Variants in CHMP7 observed in about 807,000 individuals in gnomAD.
CHMP7 encodes the protein CHMP family, member 7.
Under a neutral mutation model 53.7 loss-of-function variants are expected in CHMP7, and 15 were observed. The ratio of observed to expected loss-of-function variants is 0.28; its 90% CI spans 0.19 to 0.43. CHMP7 has a LOEUF of 0.43. Ranked by LOEUF, CHMP7 falls within the 20% of genes least tolerant of loss-of-function variation. CHMP7 has a pLI of 1.00. For synonymous variants in CHMP7, 261 were observed against 228.0 expected, an observed-to-expected ratio of 1.14 and a Z score of -1.30; for missense variants, 527 against 569.4, an observed-to-expected ratio of 0.93 and a Z score of 0.76.
chr8:23,245,333 T>C (rs1350122652), intron 1 of CHMP7, among the ~76,000 whole-genome samples: 1 of 152,234 alleles, frequency 6.6e-6, no homozygotes, highest in African/African-American at 2.4e-5. Context: ...AGACTTTTTA[T>C]CATGAGCTGG....
chr8:23,248,021 A>G (rs1339645645), intron 2 of CHMP7: 1 of 455,394 alleles, frequency 2.2e-6, no homozygotes, highest in Non-Finnish European at 4.4e-6. Flanking sequence ...GATATTGCCC[A>G]GGATGGTCTC....
At chr8:23,259,730 T>G (rs976766854) in intron 9 of CHMP7, among the ~76,000 whole-genome samples, 42 of 152,292 alleles carry the variant, frequency 2.8e-4, no homozygotes, top group African/African-American at 9.6e-4. Flanking sequence ...GACAGTAGAT[T>G]TGCTTTTCCG....
intron 3 of CHMP7, among the ~76,000 whole-genome samples, chr8:23,253,778 GT>G (rs1282357027): frequency 6.6e-6 from 1 of 151,872 alleles, no homozygotes; most frequent in East Asian, 1.9e-4. Context: ...TCTGAATTTT[GT>G]TTGTCTCCAC....
At chr8:23,249,469 C>T (rs1801836625) in intron 3 of CHMP7, 88 bp downstream of exon 3, 6 of 1,092,650 alleles carry the variant, frequency 5.5e-6, no homozygotes, top group East Asian at 2.7e-5. Flanking sequence ...GAAAAAAGAC[C>T]GTCTCTTTTT....
At chr8:23,259,830 C>T in intron 9 of CHMP7, 1 of 290,970 alleles carries the variant, frequency 3.4e-6, no homozygotes, top group South Asian at 4.9e-5. Context: ...GACAGCTGTG[C>T]TCATGACCCA....
rs114517772 is a variant in CHMP7, at chr8:23,246,590, G to C, written c.-106G>C. On this transcript the variant is annotated 5_prime_UTR_variant, in exon 2 of 11. Coordinates refer to ENST00000397677, the MANE Select transcript of CHMP7 (RefSeq NM_152272.5). ...TTCACGCTCAGGGCGGCGGTGACGT[G>C]TGAACGAGAAGGAGGTGGTCAAGGA... The C allele has an allele frequency of 2.3e-5, 22 of 940,330 alleles. 1 individual carries two copies. The Admixed American group carries it at 5.9e-4, about 25-fold the overall frequency. 58.2% of individuals were successfully genotyped at this position (940,330 alleles called of 1,614,324 possible).
chr8:23,246,791 C>T lies in CHMP7; in HGVS notation c.96C>T (p.Ser32=), dbSNP rs201780991. 32 of 1,586,460 alleles carry T rather than the reference C, an allele frequency of 2.0e-5. No individual in the cohort carries two copies. Among genetic ancestry groups the T allele is most frequent in the Non-Finnish European group, 2.6e-5 (30 of 1,166,926 alleles). Residue 32 remains serine, a synonymous_variant, in exon 2 of 11, where the codon TCC becomes TCT. Coordinates refer to ENST00000397677, the MANE Select transcript of CHMP7 (RefSeq NM_152272.5). ...PEWEEDEERM[S]FLFSAFKRSR... ...GGGAGGAGGACGAGGAGCGCATGTC[C>T]TTCCTGTTCTCCGCTTTCAAGAGGA...
chr8:23,252,545 TG>T (rs1801975084), intron 3 of CHMP7: 1 of 152,204 alleles, frequency 6.6e-6, no homozygotes, highest in Non-Finnish European at 1.5e-5. Context: ...ATATATATAA[TG>T]TATTTAGTAT....
At chr8:23,254,573 G>C (rs1232945551) in intron 3 of CHMP7, among the ~76,000 whole-genome samples, 1 of 129,638 alleles carries the variant, frequency 7.7e-6, no homozygotes, top group Non-Finnish European at 1.7e-5. Flanking sequence ...TTTTTTTTTT[G>C]TATTTTTAGT....
chr8:23,252,436 GGCCTCCCAAAGTGCTGGGATTACA>G (rs1452114546), intron 3 of CHMP7: 1 of 151,958 alleles, frequency 6.6e-6, no homozygotes, highest in Non-Finnish European at 1.5e-5. Flanking sequence ...CACCCGCCTT[GGCCTCCCAAAGTGCTGGGATTACA>G]GGTGTGAGCC....
rs567133705 is a variant in CHMP7, at chr8:23,256,787, C to G, written c.791+194C>G. ...CACAAAAGAGAAAAAAAAATGAGGCCTCTTTTTTTTTTTTTTTTTTTTTGA... is the reference window on the plus strand; with the variant it reads ...CACAAAAGAGAAAAAAAAATGAGGCGTCTTTTTTTTTTTTTTTTTTTTTGA... On this transcript the variant is annotated intron_variant, in intron 5 of 10. Coordinates refer to ENST00000397677, the MANE Select transcript of CHMP7 (RefSeq NM_152272.5). The G allele has an allele frequency of 1.8e-3, 428 of 238,454 alleles. 2 individuals are homozygous for G. The highest frequency in any genetic ancestry group is 0.01 in the African/African-American group (411 of 40,564). 14.8% of individuals were successfully genotyped at this position (238,454 alleles called of 1,614,324 possible). A position where few individuals can be genotyped will look rare whatever the true frequency, so the allele number is the denominator to read the frequency against.
Position 23,255,366 on chromosome 8 carries a change from C to T in CHMP7, c.591C>T (p.Phe197=). The part of the protein sequence containing the change: ...CANSCPDERT[F]YLVLLQLQKE... ...ACTCCTGCCCAGATGAGAGGACCTT[C>T]TACTTGGTGTTGCTGCAGCTGCAGA... Residue 197 remains phenylalanine, a synonymous_variant, in exon 4 of 11, where the codon TTC becomes TTT. Coordinates refer to ENST00000397677, the MANE Select transcript of CHMP7 (RefSeq NM_152272.5). 2 of 1,614,202 alleles carry T rather than the reference C, an allele frequency of 1.2e-6. No individual in the cohort carries two copies. The highest frequency in any genetic ancestry group is 1.7e-6 in the Non-Finnish European group (2 of 1,180,028).
chr8:23,251,690 G>T (rs564894646), intron 3 of CHMP7, among the ~76,000 whole-genome samples: 13 of 152,250 alleles, frequency 8.5e-5, no homozygotes, highest in African/African-American at 3.1e-4. Context: ...ATTGTATCAG[G>T]TGCCTCTTTC....
chr8:23,247,750 C>T (rs781465458), intron 2 of CHMP7, among the ~76,000 whole-genome samples: 1 of 152,126 alleles, frequency 6.6e-6, no homozygotes, highest in Non-Finnish European at 1.5e-5. Flanking sequence ...GATCAAGTGA[C>T]TTACTCAGAG....
At chr8:23,259,214 G>C (rs2128860551) in intron 9 of CHMP7, 88 bp downstream of exon 9, 1 of 682,792 alleles carries the variant, frequency 1.5e-6, no homozygotes, top group African/African-American at 1.9e-5. Flanking sequence ...TGTCGCCCAG[G>C]CTGGAGTGCA....
intron 1 of CHMP7, among the ~76,000 whole-genome samples, chr8:23,245,158 C>T (rs562720495): frequency 6.6e-6 from 1 of 152,290 alleles, no homozygotes; most frequent in South Asian, 2.1e-4. Flanking sequence ...TAGGATTTCC[C>T]GTACAGTGTT....
intron 5 of CHMP7, among the ~76,000 whole-genome samples, chr8:23,256,868 C>T (rs1250160475): frequency 2.1e-5 from 3 of 145,678 alleles, no homozygotes; most frequent in African/African-American, 7.6e-5. Flanking sequence ...TCTCGGCTCA[C>T]TGCAAGCTCC....
chr8:23,255,562 A>C, intron 4 of CHMP7, 130 bp downstream of exon 4: 1 of 749,180 alleles, frequency 1.3e-6, no homozygotes, highest in Non-Finnish European at 2.3e-6. Flanking sequence ...TCCAAAAATA[A>C]TAAGTGGAAA....
chr8:23,260,451 T>C (rs1381764163), intron 10 of CHMP7, 87 bp from the exon 11 acceptor site: 2 of 1,497,588 alleles, frequency 1.3e-6, no homozygotes, highest in Non-Finnish European at 1.9e-6. Flanking sequence ...GGGTTGTTTA[T>C]ATTAAGACTC....
Sources: gnomAD v4.1 joint callset for allele counts (sites outside exome capture counted in the v4.1 genomes callset) on GRCh38, gnomAD v4.1.1 for gene constraint, MANE v1.5 for transcripts, NCBI Gene and HGNC (gene_info 2026-07-23, HGNC 2026-07-21) for gene names.